The following WDR70 variants were observed in gnomAD, a reference collection of about 807,000 sequenced individuals.
WDR70 encodes WD repeat domain 70.
A neutral mutation model predicts 88.6 loss-of-function variants in WDR70; 53 were observed. The ratio of observed to expected loss-of-function variants is 0.60; its 90% confidence interval spans 0.48 to 0.75. The LOEUF (loss-of-function observed/expected upper bound fraction) is 0.75, where lower values mean the gene tolerates loss of function less well. WDR70 is among the 30% of genes least tolerant of loss of function. The probability of loss-of-function intolerance (pLI) is 0.00; values close to 1 mark genes in which losing one functional copy is unlikely to be tolerated. For synonymous variants in WDR70, 280 were observed against 270.0 expected, an observed-to-expected ratio of 1.04 and a Z score of -0.36; for missense variants, 610 against 823.2, an observed-to-expected ratio of 0.74 and a Z score of 3.17.
chr5:37,553,533 C>T (rs988567734), intron 9 of WDR70, among the ~76,000 whole-genome samples: 1 of 152,068 alleles, frequency 6.6e-6, no homozygotes, highest in South Asian at 2.1e-4. Flanking sequence ...AGTACTGTTT[C>T]CTGAAGTTTT....
intron 8 of WDR70, among the ~76,000 whole-genome samples, chr5:37,498,623 C>A (rs1314568514): frequency 6.6e-6 from 1 of 152,164 alleles, no homozygotes; most frequent in Admixed American, 6.5e-5. Flanking sequence ...TCTTCCTAGA[C>A]CTATTCCTTC....
intron 8 of WDR70, among the ~76,000 whole-genome samples, chr5:37,507,508 C>T (rs1036809001): frequency 1.3e-5 from 2 of 152,084 alleles, no homozygotes; most frequent in Non-Finnish European, 2.9e-5. Context: ...TTATCTTCCC[C>T]CCTCCCCTGC....
intron 9 of WDR70, among the ~76,000 whole-genome samples, chr5:37,599,311 A>C (rs775477767): frequency 2.6e-5 from 4 of 152,232 alleles, no homozygotes; most frequent in African/African-American, 9.6e-5. Context: ...CTAAGAATAC[A>C]GTTGCATTTA....
chr5:37,662,811 T>TC (rs1325882123), intron 10 of WDR70, among the ~76,000 whole-genome samples: 11 of 152,248 alleles, frequency 7.2e-5, no homozygotes, highest in African/African-American at 2.7e-4. Context: ...TTCTTGTTTT[T>TC]CTCTGACAGT....
At chr5:37,439,178 A>G (rs963108247) in intron 6 of WDR70, among the ~76,000 whole-genome samples, 21 of 152,052 alleles carry the variant, frequency 1.4e-4, no homozygotes, top group Admixed American at 3.3e-4. Flanking sequence ...TCGGCCTCCC[A>G]AAGTGCTGGG....
At chr5:37,684,769 A>G (rs1746531683) in intron 10 of WDR70, among the ~76,000 whole-genome samples, 6 of 152,220 alleles carry the variant, frequency 3.9e-5, no homozygotes, top group Admixed American at 2.6e-4. Context: ...AGCAGGATCC[A>G]TCCTTGTTCA....
At chr5:37,519,654 G>A (rs1434025628) in intron 9 of WDR70, among the ~76,000 whole-genome samples, 10 of 149,920 alleles carry the variant, frequency 6.7e-5, no homozygotes, top group East Asian at 4.0e-4. Flanking sequence ...CGGGGCGGCC[G>A]GGCGGAGGCG....
chr5:37,542,331 G>C (rs1486851943), intron 9 of WDR70, among the ~76,000 whole-genome samples: 1 of 150,530 alleles, frequency 6.6e-6, no homozygotes, highest in Non-Finnish European at 1.5e-5. Context: ...CCAGGCTGGA[G>C]TGCAGTGGCG....
At chr5:37,442,455 C>T (rs1750686417) in intron 6 of WDR70, among the ~76,000 whole-genome samples, 1 of 151,806 alleles carries the variant, frequency 6.6e-6, no homozygotes, top group Non-Finnish European at 1.5e-5. Flanking sequence ...TTTTGTGCCT[C>T]AGCATTACAG....
intron 13 of WDR70, among the ~76,000 whole-genome samples, chr5:37,716,596 A>C (rs72743185): frequency 0.031 from 4,786 of 152,218 alleles, 96 homozygotes; most frequent in Middle Eastern, 0.11. Flanking sequence ...ACCTTGGGAA[A>C]GTTACCACTC....
intron 5 of WDR70, among the ~76,000 whole-genome samples, chr5:37,404,710 C>G (rs1196234930): frequency 6.6e-6 from 1 of 151,864 alleles, no homozygotes; most frequent in Non-Finnish European, 1.5e-5. Context: ...TTTTTTTAAT[C>G]AAATTTAATT....
Position 37,676,547 on chromosome 5 carries a change from C to A in WDR70, c.1093-21108C>A, listed in dbSNP as rs546880461. ...ATGCTGGATTACATTTATTGATTTGCGTATATTGAACCAGCCTTGCATCCC... is the reference window on the plus strand; with the variant it reads ...ATGCTGGATTACATTTATTGATTTGAGTATATTGAACCAGCCTTGCATCCC... On this transcript the variant is annotated intron_variant, in intron 10 of 17. Coordinates refer to ENST00000265107, the MANE Select transcript of WDR70 (RefSeq NM_018034.4). 2.0e-5 allele frequency among the ~76,000 whole-genome samples: 3 copies of A among 151,882 alleles called. No homozygotes were observed. The South Asian group carries it at 6.3e-4, about 32-fold the overall frequency.
chr5:37,630,168 G>C (rs926499647), intron 10 of WDR70, among the ~76,000 whole-genome samples: 1 of 152,188 alleles, frequency 6.6e-6, no homozygotes, highest in Non-Finnish European at 1.5e-5. Context: ...TGCACACAGT[G>C]GGTCAGGCAG....
chr5:37,615,395 TAGAGAAGATTTTACTCAC>T (rs994165164), intron 10 of WDR70, among the ~76,000 whole-genome samples: 3 of 151,982 alleles, frequency 2.0e-5, no homozygotes, highest in African/African-American at 4.8e-5. Flanking sequence ...ACCAGGAATA[TAGAGAAGATTTTACTCAC>T]AGGGAATACA....
At chr5:37,429,493 GT>G (rs1318444163) in intron 5 of WDR70, among the ~76,000 whole-genome samples, 2 of 151,720 alleles carry the variant, frequency 1.3e-5, no homozygotes, top group African/African-American at 4.8e-5. Flanking sequence ...TTTATTACCT[GT>G]TTCAAGTTAA....
intron 10 of WDR70, among the ~76,000 whole-genome samples, chr5:37,620,893 G>A (rs568713263): frequency 6.6e-6 from 1 of 152,284 alleles, no homozygotes; most frequent in East Asian, 1.9e-4. Flanking sequence ...ATGAGCAGAG[G>A]TCATCATGAA....
chr5:37,429,586 T>C (rs556430136), intron 5 of WDR70, among the ~76,000 whole-genome samples: 4 of 152,330 alleles, frequency 2.6e-5, no homozygotes, highest in African/African-American at 7.2e-5. Context: ...GAGTATTGTT[T>C]GTTTAAAAGG....
intron 9 of WDR70, among the ~76,000 whole-genome samples, chr5:37,522,421 A>T (rs1046857502): frequency 2.0e-5 from 3 of 149,742 alleles, no homozygotes; most frequent in African/African-American, 7.4e-5. Flanking sequence ...CAGTGAGCTA[A>T]GATCGCGCCA....
intron 17 of WDR70, among the ~76,000 whole-genome samples, chr5:37,736,587 C>A (rs1242434043): frequency 6.7e-6 from 1 of 149,206 alleles, no homozygotes; most frequent in African/African-American, 2.5e-5. Flanking sequence ...GTTTTGTGAA[C>A]TGCCTGCATC....
Sources: gnomAD v4.1 joint callset for allele counts (sites outside exome capture counted in the v4.1 genomes callset) on GRCh38, gnomAD v4.1.1 for gene constraint, MANE v1.5 for transcripts, NCBI Gene and HGNC (gene_info 2026-07-23, HGNC 2026-07-21) for gene names.